Variants in STPG2 observed in about 807,000 individuals in gnomAD.
The protein encoded by STPG2 is sperm tail PG-rich repeat containing 2, also known as sperm-tail PG-rich repeat-containing protein 2.
STPG2 carries 56 observed loss-of-function variants against 54.2 expected under a neutral mutation model. That is an observed-to-expected ratio of 1.03 (90% CI 0.83 to 1.29). STPG2 has a LOEUF of 1.29. Ranked by LOEUF, STPG2 falls within the 50% of genes most tolerant of loss-of-function variation. The probability of loss-of-function intolerance (pLI) is 0.00; values close to 1 mark genes in which losing one functional copy is unlikely to be tolerated. For missense variants in STPG2, 596 were observed against 544.9 expected, an observed-to-expected ratio of 1.09 and a Z score of -0.93; for synonymous variants, 200 against 181.8, an observed-to-expected ratio of 1.10 and a Z score of -0.81.
chr4:97,477,468 C>A (rs997996301), intron 4 of STPG2, among the ~76,000 whole-genome samples: 10 of 149,760 alleles, frequency 6.7e-5, no homozygotes, highest in Non-Finnish European at 3.0e-5. Flanking sequence ...GGTTTACCTT[C>A]CTTTTTTGTT....
At chr4:97,876,623 C>T (rs1439276453) in intron 8 of STPG2, among the ~76,000 whole-genome samples, 1 of 151,948 alleles carries the variant, frequency 6.6e-6, no homozygotes, top group Non-Finnish European at 1.5e-5. Flanking sequence ...TACTAATCAT[C>T]ACATACATAA....
intron 9 of STPG2, among the ~76,000 whole-genome samples, chr4:97,817,467 G>A (rs1727952350): frequency 6.6e-6 from 1 of 151,794 alleles, no homozygotes; most frequent in African/African-American, 2.4e-5. Context: ...GCTTAGACAT[G>A]GTGCCATTTC....
At chr4:97,952,148 C>T (rs1310067733) in intron 7 of STPG2, among the ~76,000 whole-genome samples, 1 of 152,106 alleles carries the variant, frequency 6.6e-6, no homozygotes, top group Non-Finnish European at 1.5e-5. Flanking sequence ...CTCAACCACA[C>T]CTGAACCTGA....
chr4:97,965,895 C>A (rs1056720578), intron 7 of STPG2, among the ~76,000 whole-genome samples: 1 of 152,178 alleles, frequency 6.6e-6, no homozygotes, highest in Non-Finnish European at 1.5e-5. Flanking sequence ...GTAGATAAAA[C>A]CACAAAGATG....
intron 9 of STPG2, among the ~76,000 whole-genome samples, chr4:97,778,266 A>ATCCCATGCCTGGCTCGGAGGG (rs1312632011): frequency 6.6e-6 from 1 of 151,880 alleles, no homozygotes; most frequent in Non-Finnish European, 1.5e-5. Flanking sequence ...AGGAGATTAT[A>ATCCCATGCCTGGCTCGGAGGG]TCCCATGCCT....
At chr4:97,546,785 C>G (rs1220420097) in intron 4 of STPG2, among the ~76,000 whole-genome samples, 2 of 152,166 alleles carry the variant, frequency 1.3e-5, no homozygotes, top group Non-Finnish European at 2.9e-5. Context: ...GTAATACATA[C>G]TGTATGCCAA....
At chr4:98,056,567 C>T (rs1737491676) in intron 5 of STPG2, among the ~76,000 whole-genome samples, 1 of 152,128 alleles carries the variant, frequency 6.6e-6, no homozygotes, top group African/African-American at 2.4e-5. Flanking sequence ...CCCCTAATAT[C>T]TCCCATAAAT....
intron 5 of STPG2, among the ~76,000 whole-genome samples, chr4:98,024,642 T>G (rs1180257252): frequency 1.3e-5 from 2 of 152,230 alleles, no homozygotes; most frequent in Non-Finnish European, 2.9e-5. Context: ...CTACACATTT[T>G]TGTACAGATA....
intron 5 of STPG2, among the ~76,000 whole-genome samples, chr4:97,996,450 A>G (rs961594821): frequency 5.3e-5 from 8 of 152,214 alleles, no homozygotes; most frequent in Non-Finnish European, 1.0e-4. Flanking sequence ...CTTACACCAA[A>G]TCAACTCAAG....
intron 8 of STPG2, among the ~76,000 whole-genome samples, chr4:97,847,609 C>A (rs191057840): frequency 6.6e-6 from 1 of 152,226 alleles, no homozygotes; most frequent in East Asian, 1.9e-4. Flanking sequence ...ACACAACAGA[C>A]TTAACCTAAT....
chr4:97,717,687 T>C (rs1307148395), intron 9 of STPG2, among the ~76,000 whole-genome samples: 2 of 152,106 alleles, frequency 1.3e-5, no homozygotes, highest in Non-Finnish European at 2.9e-5. Flanking sequence ...CGTAAATACA[T>C]TGTAGATAAA....
At chr4:97,821,747 C>A (rs1560541379) in intron 9 of STPG2, among the ~76,000 whole-genome samples, 1 of 152,184 alleles carries the variant, frequency 6.6e-6, no homozygotes, top group East Asian at 1.9e-4. Context: ...ACAGCTTGAA[C>A]CATCTGGAAC....
chr4:98,111,631 C>A (rs1024030459), intron 3 of STPG2, among the ~76,000 whole-genome samples: 1 of 152,018 alleles, frequency 6.6e-6, no homozygotes, highest in Admixed American at 6.6e-5. Context: ...AAATTAAATG[C>A]GGATTGTGAT....
intron 10 of STPG2, among the ~76,000 whole-genome samples, chr4:97,664,689 T>A (rs1722469005): frequency 6.6e-6 from 1 of 152,112 alleles, no homozygotes; most frequent in South Asian, 2.1e-4. Flanking sequence ...AGAAGCTATT[T>A]TTTTTACCTC....
rs1053986326 is a variant in STPG2, at chr4:97,811,510, A to T, written c.1204+29263T>A. On this transcript the variant is annotated intron_variant, in intron 9 of 10. Transcript: ENST00000295268. Reference sequence around the variant, plus strand: ...CATAGTTCCATTGTCATTTCTAAAAAATACAGTATTCTCATAAGTTGTAGC... The same window carrying T: ...CATAGTTCCATTGTCATTTCTAAAATATACAGTATTCTCATAAGTTGTAGC... 3.3e-5 allele frequency among the ~76,000 whole-genome samples: 5 copies of T among 151,850 alleles called. No homozygotes were observed. The South Asian group carries it at 6.2e-4, about 19-fold the overall frequency.
At chr4:98,057,797 G>C (rs969604053) in intron 5 of STPG2, among the ~76,000 whole-genome samples, 2 of 152,152 alleles carry the variant, frequency 1.3e-5, no homozygotes, top group African/African-American at 4.8e-5. Flanking sequence ...GTTAAAGGCA[G>C]CTAGAGAGAA....
chr4:97,497,630 T>C (rs954845586), intron 4 of STPG2, among the ~76,000 whole-genome samples: 1 of 151,882 alleles, frequency 6.6e-6, no homozygotes. Flanking sequence ...GATAATTACT[T>C]GGAAACTATG....
At chr4:98,085,874 C>T (rs1738488085) in intron 5 of STPG2, among the ~76,000 whole-genome samples, 1 of 151,952 alleles carries the variant, frequency 6.6e-6, no homozygotes, top group African/African-American at 2.4e-5. Context: ...TTATCACATC[C>T]ATACATATTG....
intron 10 of STPG2, among the ~76,000 whole-genome samples, chr4:97,641,364 G>A (rs183626615): frequency 1.8e-4 from 28 of 151,428 alleles, no homozygotes; most frequent in Admixed American, 3.3e-4. Flanking sequence ...CTTATAATAT[G>A]CATTAATCAT....
Sources: gnomAD v4.1 joint callset for allele counts (sites outside exome capture counted in the v4.1 genomes callset) on GRCh38, gnomAD v4.1.1 for gene constraint, MANE v1.5 for transcripts, NCBI Gene and HGNC (gene_info 2026-07-23, HGNC 2026-07-21) for gene names.